Variants in MNAT1 observed in about 807,000 individuals in gnomAD.
The protein encoded by MNAT1 is CDK-activating kinase assembly factor MAT1.
A neutral mutation model predicts 42.0 loss-of-function variants in MNAT1; 43 were observed. That is an observed-to-expected ratio of 1.02 (90% confidence interval 0.80 to 1.32). MNAT1 has a LOEUF of 1.32. Ranked by LOEUF, MNAT1 falls within the 40% of genes most tolerant of loss-of-function variation. MNAT1 has a pLI of 0.00. For synonymous variants in MNAT1, 118 were observed against 120.0 expected, an observed-to-expected ratio of 0.98 and a Z score of 0.11; for missense variants, 306 against 350.4, an observed-to-expected ratio of 0.87 and a Z score of 1.01.
intron 6 of MNAT1, among the ~76,000 whole-genome samples, chr14:60,838,451 A>T (rs1393707100): frequency 6.6e-6 from 1 of 151,622 alleles, no homozygotes; most frequent in African/African-American, 2.4e-5. Flanking sequence ...TTTTCCTATT[A>T]GTCTGTTTTC....
rs570818043 is a variant in MNAT1 at position 60,879,549 on chromosome 14, A to G, written c.688-165A>G. Among the ~76,000 whole-genome samples the G allele has an allele frequency of 3.3e-5, 5 of 152,276 alleles. No homozygotes were observed. In the South Asian group the frequency reaches 6.2e-4, roughly 19 times the overall value. ...TGTGTAAATGACTATTAATTCTATT[A>G]TGTGGGTTTTGGTTATGCTGCAATG... On this transcript the variant is annotated intron_variant, in intron 6 of 7. Coordinates refer to ENST00000261245, the MANE Select transcript of MNAT1 (RefSeq NM_002431.4).
Position 60,808,433 on chromosome 14 carries a change from G to T in MNAT1, c.420+5G>T. 3 of 1,473,598 alleles carry T rather than the reference G, an allele frequency of 2.0e-6. No homozygotes were observed. Among genetic ancestry groups the T allele is most frequent in the Non-Finnish European group, 2.8e-6 (3 of 1,083,398 alleles). 91.3% of individuals were successfully genotyped at this position (1,473,598 alleles called of 1,614,324 possible). The stretch of plus-strand genomic sequence containing the variant: ...CAGAAAAATAAATTAAAGCTGGTCG[G>T]TTGCTAAGTATTTTCTTCTTATTTT... On this transcript the variant is annotated splice_donor_5th_base_variant and intron_variant, in intron 4 of 7. Coordinates refer to ENST00000261245, the MANE Select transcript of MNAT1 (RefSeq NM_002431.4).
intron 7 of MNAT1, among the ~76,000 whole-genome samples, chr14:60,926,114 A>G (rs1420910608): frequency 6.6e-6 from 1 of 152,166 alleles, no homozygotes; most frequent in African/African-American, 2.4e-5. Flanking sequence ...TTCTCCAGTT[A>G]TGAGGTAAAC....
intron 1 of MNAT1, among the ~76,000 whole-genome samples, chr14:60,779,359 G>A (rs1410534213): frequency 6.6e-6 from 1 of 152,196 alleles, no homozygotes; most frequent in African/African-American, 2.4e-5. Context: ...CAGCATAAGT[G>A]CTAGCAGAGG....
intron 3 of MNAT1, chr14:60,799,245 G>A (rs1009466690): frequency 1.0e-6 from 1 of 985,328 alleles, no homozygotes; most frequent in Non-Finnish European, 1.2e-6. Flanking sequence ...ATTGCACTTT[G>A]TATGTTATCT....
chr14:60,912,755 A>T (rs554499178), intron 7 of MNAT1, among the ~76,000 whole-genome samples: 2 of 152,202 alleles, frequency 1.3e-5, no homozygotes, highest in African/African-American at 4.8e-5. Flanking sequence ...GGCTGCCCTT[A>T]ACACTTTTTC....
intron 6 of MNAT1, among the ~76,000 whole-genome samples, chr14:60,836,808 G>T (rs1289365360): frequency 6.6e-6 from 1 of 152,214 alleles, no homozygotes; most frequent in African/African-American, 2.4e-5. Flanking sequence ...TGGCAGGCAG[G>T]AACGTTTATG....
intron 1 of MNAT1, among the ~76,000 whole-genome samples, chr14:60,747,276 G>A (rs956774392): frequency 3.3e-5 from 5 of 151,902 alleles, no homozygotes; most frequent in East Asian, 1.9e-4. Context: ...GAGCCAATGC[G>A]CCCTGCCCAA....
intron 1 of MNAT1, among the ~76,000 whole-genome samples, chr14:60,759,330 A>G (rs936535086): frequency 2.0e-5 from 3 of 152,098 alleles, no homozygotes; most frequent in African/African-American, 7.2e-5. Flanking sequence ...CACCTTTCCT[A>G]GAGATTGAAA....
At chr14:60,937,891 C>A (rs1374504666) in intron 7 of MNAT1, among the ~76,000 whole-genome samples, 2 of 152,038 alleles carry the variant, frequency 1.3e-5, no homozygotes, top group East Asian at 3.9e-4. Context: ...TTGTTTGTAT[C>A]CTCTTTTATT....
rs975807307 is a variant in MNAT1, at chr14:60,780,827, G to GT, written c.90-15380dup. On this transcript the variant is annotated intron_variant, in intron 1 of 7. Transcript: ENST00000261245. Reference sequence around the variant, plus strand: ...TGCATTATTCAAAAGGAACCAGGAGGTTTTTTTTTTGTCAACATTGTGATG... The same window carrying GT: ...TGCATTATTCAAAAGGAACCAGGAGGTTTTTTTTTTTGTCAACATTGTGATG... Among the ~76,000 whole-genome samples, 515 of 148,052 alleles carry GT rather than the reference G, an allele frequency of 3.5e-3. 2 individuals carry two copies. The highest frequency in any genetic ancestry group is 8.9e-3 in the African/African-American group (359 of 40,502).
chr14:60,753,097 A>G (rs1381121702), intron 1 of MNAT1, among the ~76,000 whole-genome samples: 1 of 152,228 alleles, frequency 6.6e-6, no homozygotes, highest in African/African-American at 2.4e-5. Flanking sequence ...CTAACAAATT[A>G]TCCTAAAACT....
intron 3 of MNAT1, among the ~76,000 whole-genome samples, chr14:60,806,523 T>C (rs2032373496): frequency 1.3e-5 from 2 of 152,162 alleles, no homozygotes; most frequent in South Asian, 4.1e-4. Flanking sequence ...AAGTTCAGGT[T>C]TGGAATCAGA....
chr14:60,915,144 C>G (rs562237837), intron 7 of MNAT1, among the ~76,000 whole-genome samples: 2 of 152,182 alleles, frequency 1.3e-5, no homozygotes, highest in Admixed American at 6.6e-5. Flanking sequence ...TTACTCTGCC[C>G]AGCTTCTAAA....
At chr14:60,742,453 TTTG>T (rs998848831) in intron 1 of MNAT1, among the ~76,000 whole-genome samples, 1 of 152,208 alleles carries the variant, frequency 6.6e-6, no homozygotes, top group Non-Finnish European at 1.5e-5. Flanking sequence ...GTATTTGTGA[TTTG>T]TTGTTATTTT....
At chr14:60,761,209 G>GGTT (rs2030584515) in intron 1 of MNAT1, among the ~76,000 whole-genome samples, 2 of 152,148 alleles carry the variant, frequency 1.3e-5, no homozygotes, top group African/African-American at 4.8e-5. Flanking sequence ...GTTAAGTTAG[G>GGTT]GTTGGAAGGG....
At chr14:60,771,426 G>A (rs1468515399) in intron 1 of MNAT1, among the ~76,000 whole-genome samples, 1 of 152,048 alleles carries the variant, frequency 6.6e-6, no homozygotes, top group African/African-American at 2.4e-5. Flanking sequence ...TTATGGTAGT[G>A]GCTCATACAT....
intron 7 of MNAT1, among the ~76,000 whole-genome samples, chr14:60,906,582 G>A (rs1047277141): frequency 4.6e-5 from 7 of 151,958 alleles, no homozygotes; most frequent in African/African-American, 1.7e-4. Flanking sequence ...GGTTAAGGGG[G>A]GTATGAAAAA....
rs192180208 is a variant in MNAT1, at chr14:60,858,269, C to A, written c.688-21445C>A. Among the ~76,000 whole-genome samples, 781 of 152,236 alleles carry A rather than the reference C, an allele frequency of 5.1e-3. 15 individuals carry two copies. The highest frequency in any genetic ancestry group is 0.018 in the African/African-American group (732 of 41,544). ...CTGACTTTTTAATGATTGCCATTCT[C>A]ACTGGCATGAGATGGTATCTCATTG... On this transcript the variant is annotated intron_variant, in intron 6 of 7. Coordinates refer to ENST00000261245, the MANE Select transcript of MNAT1 (RefSeq NM_002431.4).
Sources: allele counts gnomAD v4.1 joint callset (sites outside exome capture counted in the v4.1 genomes callset), GRCh38; gene constraint gnomAD v4.1.1; transcripts MANE v1.5; gene names NCBI Gene and HGNC (gene_info 2026-07-23, HGNC 2026-07-21).